NEGR1: variants seen among roughly 807,000 people sequenced by gnomAD.
NEGR1 encodes IgLON family member 4.
NEGR1 carries 10 observed loss-of-function variants against 40.9 expected under a neutral mutation model. That is an observed-to-expected ratio of 0.24 (90% CI 0.15 to 0.42). The LOEUF (loss-of-function observed/expected upper bound fraction) is 0.42, where lower values mean the gene tolerates loss of function less well. Ranked by LOEUF, NEGR1 falls within the 10% of genes least tolerant of loss-of-function variation. The pLI is 1.00. For missense variants in NEGR1, 352 were observed against 438.9 expected (o/e 0.80, Z 1.77); for synonymous variants, 185 against 166.8 (o/e 1.11, Z -0.84).
intron 4 of NEGR1, among the ~76,000 whole-genome samples, chr1:71,631,425 A>AT (rs929081344): frequency 3.3e-5 from 5 of 151,794 alleles, no homozygotes; most frequent in African/African-American, 1.2e-4. Flanking sequence ...TAATTCTCAC[A>AT]TTTTGTAAAC....
intron 2 of NEGR1, among the ~76,000 whole-genome samples, chr1:71,778,762 C>T (rs1323612826): frequency 6.6e-6 from 1 of 152,092 alleles, no homozygotes. Context: ...TGAATTCCAT[C>T]CTCGAAATAC....
chr1:71,724,549 A>G (rs937968028), intron 3 of NEGR1, among the ~76,000 whole-genome samples: 1 of 151,824 alleles, frequency 6.6e-6, no homozygotes, highest in Middle Eastern at 3.2e-3. Context: ...TGTTAGTTTT[A>G]TTTCATTGGT....
At chr1:71,833,495 A>G (rs553566849) in intron 2 of NEGR1, among the ~76,000 whole-genome samples, 72 of 152,196 alleles carry the variant, frequency 4.7e-4, no homozygotes, top group African/African-American at 1.5e-3. Context: ...TCTGGGGGGA[A>G]AAAAGTATTT....
chr1:72,187,260 A>T (rs2100422515), intron 1 of NEGR1, among the ~76,000 whole-genome samples: 1 of 151,646 alleles, frequency 6.6e-6, no homozygotes, highest in East Asian at 1.9e-4. Flanking sequence ...TTAAACTTCA[A>T]AAGTTTATCA....
intron 2 of NEGR1, among the ~76,000 whole-genome samples, chr1:71,819,680 T>C (rs1658355511): frequency 6.6e-6 from 1 of 151,928 alleles, no homozygotes; most frequent in African/African-American, 2.4e-5. Flanking sequence ...ATAGATGCTA[T>C]CATATGCATA....
intron 1 of NEGR1, among the ~76,000 whole-genome samples, chr1:72,045,570 C>A (rs918117138): frequency 6.6e-6 from 1 of 151,686 alleles, no homozygotes. Context: ...TCTCTTTTTG[C>A]CTGGTGCCAT....
chr1:72,181,374 T>C (rs1195533064), intron 1 of NEGR1, among the ~76,000 whole-genome samples: 7 of 152,124 alleles, frequency 4.6e-5, no homozygotes, highest in Admixed American at 4.6e-4. Context: ...TCTCTTGGTG[T>C]CACTCTTGCA....
intron 4 of NEGR1, among the ~76,000 whole-genome samples, chr1:71,697,755 C>T (rs1481209646): frequency 6.6e-6 from 1 of 151,700 alleles, no homozygotes; most frequent in African/African-American, 2.4e-5. Flanking sequence ...GTTTAGAATG[C>T]CAGGGATTAG....
chr1:71,454,268 G>A (rs867683542), intron 6 of NEGR1, among the ~76,000 whole-genome samples: 2 of 151,918 alleles, frequency 1.3e-5, no homozygotes, highest in African/African-American at 2.4e-5. Context: ...TGGATTTTCT[G>A]CTTTTCTCCT....
intron 2 of NEGR1, among the ~76,000 whole-genome samples, chr1:71,866,106 A>C (rs1660103245): frequency 6.6e-6 from 1 of 152,128 alleles, no homozygotes; most frequent in Non-Finnish European, 1.5e-5. Context: ...GTAACAAAAG[A>C]CACCTTTCCC....
chr1:71,396,638 TG>T lies in NEGR1; in HGVS notation c.*10807del, dbSNP rs1479940593. On this transcript the variant is annotated 3_prime_UTR_variant, in exon 7 of 7. Transcript: ENST00000357731. ...GACTTGGTGGGAGGTAATTGAACCATGGGGGCAGGTCTTTCCCATGCTGTTC... is the reference window on the plus strand; with the variant it reads ...GACTTGGTGGGAGGTAATTGAACCATGGGGCAGGTCTTTCCCATGCTGTTC... The T allele has an allele frequency of 6.6e-6, 1 of 152,180 alleles. No homozygotes were observed. The highest frequency in any genetic ancestry group is 6.6e-5 in the Admixed American group (1 of 15,266). 9.4% of individuals were successfully genotyped at this position (152,180 alleles called of 1,614,324 possible). A position where few individuals can be genotyped will look rare whatever the true frequency, so the allele number is the denominator to read the frequency against.
At chr1:71,528,583 A>G (rs1447913086) in intron 6 of NEGR1, among the ~76,000 whole-genome samples, 1 of 151,330 alleles carries the variant, frequency 6.6e-6, no homozygotes, top group Non-Finnish European at 1.5e-5. Context: ...TTCTAAGTAC[A>G]TGAATCAGAT....
At chr1:72,147,869 C>A (rs2100348865) in intron 1 of NEGR1, among the ~76,000 whole-genome samples, 1 of 152,122 alleles carries the variant, frequency 6.6e-6, no homozygotes, top group Middle Eastern at 3.4e-3. Flanking sequence ...CCTTTGACTC[C>A]AGGTCTCACA....
intron 6 of NEGR1, among the ~76,000 whole-genome samples, chr1:71,423,351 C>T (rs1412396894): frequency 6.6e-6 from 1 of 152,086 alleles, no homozygotes; most frequent in East Asian, 1.9e-4. Flanking sequence ...GCTCTAATTG[C>T]ACCTTGCACT....
chr1:71,810,894 A>C (rs1657977921), intron 2 of NEGR1, among the ~76,000 whole-genome samples: 1 of 152,124 alleles, frequency 6.6e-6, no homozygotes, highest in Non-Finnish European at 1.5e-5. Context: ...TTTCTTTATA[A>C]ATTACCCAGT....
rs1646265375 is a variant in NEGR1, at chr1:71,404,459, GC to G, written c.*2986del. The G allele has an allele frequency of 6.6e-6, 1 of 151,962 alleles. No homozygotes were observed. The highest frequency in any genetic ancestry group is 1.9e-4 in the East Asian group (1 of 5,186). The allele number at this position is 151,962 out of a possible 1,614,324, so 9.4% of individuals were successfully genotyped here. On this transcript the variant is annotated 3_prime_UTR_variant, in exon 7 of 7. Transcript: ENST00000357731. ...ATTGAAAAACGTAGTTACACCACTT[GC>G]AGTTAAACTAAGAATGCAAATGTGT...
At chr1:72,093,645 G>A (rs1648582296) in intron 1 of NEGR1, among the ~76,000 whole-genome samples, 1 of 152,064 alleles carries the variant, frequency 6.6e-6, no homozygotes, top group Non-Finnish European at 1.5e-5. Context: ...TATTGGTGAT[G>A]TGCTTCTTTT....
intron 4 of NEGR1, among the ~76,000 whole-genome samples, chr1:71,652,609 C>T (rs533975780): frequency 2.6e-5 from 4 of 152,184 alleles, no homozygotes; most frequent in African/African-American, 9.6e-5. Context: ...TGGTGGCTCA[C>T]GCGTATAGCA....
chr1:71,917,204 C>A (rs1661609080), intron 2 of NEGR1, among the ~76,000 whole-genome samples: 1 of 152,136 alleles, frequency 6.6e-6, no homozygotes, highest in African/African-American at 2.4e-5. Flanking sequence ...AAGGAGAGAG[C>A]TGGAAAACTA....
Sources: allele counts gnomAD v4.1 joint callset (sites outside exome capture counted in the v4.1 genomes callset), GRCh38; gene constraint gnomAD v4.1.1; transcripts MANE v1.5; gene names NCBI Gene and HGNC (gene_info 2026-07-23, HGNC 2026-07-21).